FNBP1L: variants seen among roughly 807,000 people sequenced by gnomAD.
The protein encoded by FNBP1L is formin binding protein 1 like.
In FNBP1L, 36 loss-of-function variants were observed where a neutral mutation model predicts 91.2. The ratio of observed to expected loss-of-function variants is 0.39; its 90% confidence interval spans 0.30 to 0.52. The LOEUF (loss-of-function observed/expected upper bound fraction) is 0.52, where lower values mean the gene tolerates loss of function less well. Among genes scored for constraint, FNBP1L ranks in the 20% least tolerant of loss-of-function variants. The pLI, the probability that FNBP1L is intolerant of heterozygous loss-of-function variation, is 0.66. For missense variants in FNBP1L, 571 were observed against 732.1 expected (o/e 0.78, Z 2.54); for synonymous variants, 242 against 237.0 (o/e 1.02, Z -0.19).
chr1:93,480,901 C>T (rs1669679300), intron 1 of FNBP1L, among the ~76,000 whole-genome samples: 1 of 152,076 alleles, frequency 6.6e-6, no homozygotes, highest in Admixed American at 6.6e-5. Context: ...ATTAAAATCT[C>T]TTCCACAGGT....
At chr1:93,528,933 C>T (rs1671581289) in intron 5 of FNBP1L, among the ~76,000 whole-genome samples, 2 of 152,008 alleles carry the variant, frequency 1.3e-5, no homozygotes, top group Non-Finnish European at 2.9e-5. Flanking sequence ...TGTAATATGA[C>T]ATATATTTTA....
chr1:93,469,481 C>A lies in FNBP1L; in HGVS notation c.24+21176C>A, dbSNP rs1669208421. Among the ~76,000 whole-genome samples, 5 of 152,090 alleles carry A rather than the reference C, an allele frequency of 3.3e-5. No homozygotes were observed. The South Asian group carries it at 1.0e-3, about 31-fold the overall frequency. ...ATGTGCCACATTATCTTTATCCAGT[C>A]TATTATTGATGGACATTTGGGTTGG... On this transcript the variant is annotated intron_variant, in intron 1 of 16. Coordinates refer to ENST00000271234, the MANE Select transcript of FNBP1L (RefSeq NM_001164473.3).
chr1:93,499,374 C>G, intron 1 of FNBP1L, 94 bp from the exon 2 acceptor site: 1 of 782,710 alleles, frequency 1.3e-6, no homozygotes, highest in Non-Finnish European at 2.1e-6. Flanking sequence ...TTTTATACCT[C>G]ATTGCTTCTC....
At chr1:93,509,547 A>G (rs1570818620) in intron 2 of FNBP1L, among the ~76,000 whole-genome samples, 1 of 152,382 alleles carries the variant, frequency 6.6e-6, no homozygotes. Context: ...TGTCCCCTAC[A>G]GACTGGGACC....
intron 1 of FNBP1L, among the ~76,000 whole-genome samples, chr1:93,477,601 G>A (rs1669542616): frequency 6.6e-6 from 1 of 152,100 alleles, no homozygotes; most frequent in South Asian, 2.1e-4. Flanking sequence ...ATGAATTGTA[G>A]TACAAAGCTA....
intron 8 of FNBP1L, among the ~76,000 whole-genome samples, chr1:93,533,415 T>A (rs1010303304): frequency 6.6e-6 from 1 of 152,216 alleles, no homozygotes; most frequent in African/African-American, 2.4e-5. Context: ...GAGTTGCCTT[T>A]AGCACTTGAG....
chr1:93,453,480 CTT>C (rs1419422469), intron 1 of FNBP1L, among the ~76,000 whole-genome samples: 1 of 152,114 alleles, frequency 6.6e-6, no homozygotes, highest in Non-Finnish European at 1.5e-5. Flanking sequence ...TGGCTGGAAA[CTT>C]TAAAAAAACC....
chr1:93,537,805 A>G (rs1161131789), intron 10 of FNBP1L, among the ~76,000 whole-genome samples: 2 of 152,160 alleles, frequency 1.3e-5, no homozygotes, highest in Non-Finnish European at 2.9e-5. Context: ...TTACAAGGCT[A>G]GAACTCATTC....
chr1:93,460,195 T>C (rs1668815490), intron 1 of FNBP1L, among the ~76,000 whole-genome samples: 2 of 152,214 alleles, frequency 1.3e-5, no homozygotes, highest in Non-Finnish European at 2.9e-5. Context: ...GTAAGGGCTC[T>C]GCCTTCATGG....
At chr1:93,448,429 G>A (rs1019936950) in intron 1 of FNBP1L, 124 bp downstream of exon 1, 1 of 1,077,942 alleles carries the variant, frequency 9.3e-7, no homozygotes, top group Middle Eastern at 3.1e-4. Flanking sequence ...GCTGGCGGAG[G>A]GTGAGGGTCC....
intron 1 of FNBP1L, among the ~76,000 whole-genome samples, chr1:93,459,941 A>ATGTGTGTGTGTGTGTG (rs34705153): frequency 0.033 from 4,673 of 142,152 alleles, 108 homozygotes; most frequent in Non-Finnish European, 0.048. Context: ...TGGATTTCAG[A>ATGTGTGTGTGTGTGTG]TGTGTGTGTG....
intron 2 of FNBP1L, among the ~76,000 whole-genome samples, chr1:93,518,343 C>G (rs956031511): frequency 6.6e-6 from 1 of 152,150 alleles, no homozygotes; most frequent in Non-Finnish European, 1.5e-5. Flanking sequence ...ACGGTAGCTT[C>G]CAGCAGCCTG....
At chr1:93,462,612 G>A (rs1376188243) in intron 1 of FNBP1L, among the ~76,000 whole-genome samples, 2 of 152,106 alleles carry the variant, frequency 1.3e-5, no homozygotes, top group Non-Finnish European at 2.9e-5. Flanking sequence ...TACTGGTCAA[G>A]CATATTGTAG....
In FNBP1L at chr1:93,553,679, T is replaced by G. The variant is rs2101781602; in HGVS notation, c.*1263T>G. The stretch of plus-strand genomic sequence containing the variant: ...CTTTGTAATGATCTATGTGCACTTT[T>G]ACTTGTAAAATGGAATTTCTGTATG... On this transcript the variant is annotated 3_prime_UTR_variant, in exon 17 of 17. Coordinates refer to ENST00000271234, the MANE Select transcript of FNBP1L (RefSeq NM_001164473.3). 6.5e-6 allele frequency: 1 copy of G among 152,786 alleles called. No individual in the cohort carries two copies. Among genetic ancestry groups the G allele is most frequent in the African/African-American group, 2.4e-5 (1 of 41,586 alleles). The allele number at this position is 152,786 out of a possible 1,614,324, so 9.5% of individuals were successfully genotyped here. A position where few individuals can be genotyped will look rare whatever the true frequency, so the allele number is the denominator to read the frequency against.
chr1:93,512,956 A>T (rs570701880), intron 2 of FNBP1L, among the ~76,000 whole-genome samples: 1 of 152,202 alleles, frequency 6.6e-6, no homozygotes, highest in East Asian at 1.9e-4. Flanking sequence ...GACACAAAAA[A>T]CCCTTCAAAA....
intron 5 of FNBP1L, 26 bp from the exon 6 acceptor site, chr1:93,529,626 G>A (rs1457127524): frequency 7.7e-7 from 1 of 1,301,406 alleles, no homozygotes; most frequent in Non-Finnish European, 1.0e-6. Context: ...TATTTTCTCA[G>A]TGTGATATTT....
At chr1:93,471,107 T>C (rs1361604888) in intron 1 of FNBP1L, among the ~76,000 whole-genome samples, 1 of 152,214 alleles carries the variant, frequency 6.6e-6, no homozygotes, top group Admixed American at 6.5e-5. Context: ...AGTTGAGTGT[T>C]CCTTATCCAA....
At chr1:93,468,238 T>C (rs1669156230) in intron 1 of FNBP1L, among the ~76,000 whole-genome samples, 1 of 152,212 alleles carries the variant, frequency 6.6e-6, no homozygotes. Flanking sequence ...TTTCAGTTAG[T>C]TTAAATGTTT....
rs561675505 is a variant in FNBP1L, at chr1:93,492,165, G to T, written c.25-7303G>T. Among the ~76,000 whole-genome samples, 175 of 152,256 alleles carry T rather than the reference G, an allele frequency of 1.1e-3. 1 individual carries two copies. The Middle Eastern group carries it at 0.017, about 15-fold the overall frequency. ...GACATTTAGTTTTTAAAAACAATCTGATACAGGTCTTAGATATCTATTTTT... is the reference window on the plus strand; with the variant it reads ...GACATTTAGTTTTTAAAAACAATCTTATACAGGTCTTAGATATCTATTTTT... On this transcript the variant is annotated intron_variant, in intron 1 of 16. Transcript: ENST00000271234.
Sources: gnomAD v4.1 joint callset for allele counts (sites outside exome capture counted in the v4.1 genomes callset) on GRCh38, gnomAD v4.1.1 for gene constraint, MANE v1.5 for transcripts, NCBI Gene and HGNC (gene_info 2026-07-23, HGNC 2026-07-21) for gene names.